The following TLCD4 variants were observed in gnomAD, a reference collection of about 807,000 sequenced individuals.
TLCD4 encodes the protein TLC domain-containing protein 4.
A neutral mutation model predicts 24.2 loss-of-function variants in TLCD4; 7 were observed. The ratio of observed to expected loss-of-function variants is 0.29; its 90% CI spans 0.16 to 0.54. TLCD4 has a LOEUF of 0.54. Among genes scored for constraint, TLCD4 ranks in the 20% least tolerant of loss-of-function variants. The probability of loss-of-function intolerance (pLI) is 0.95; values close to 1 mark genes in which losing one functional copy is unlikely to be tolerated. For synonymous variants in TLCD4, 103 were observed against 106.4 expected (o/e 0.97, Z 0.20); for missense variants, 259 against 313.9 (o/e 0.82, Z 1.32).
chr1:95,181,929 C>CT (rs1361057891), intron 6 of TLCD4, among the ~76,000 whole-genome samples: 1 of 152,052 alleles, frequency 6.6e-6, no homozygotes, highest in Non-Finnish European at 1.5e-5. Context: ...GGCCTTCAAT[C>CT]TTTTACATAT....
At chr1:95,098,985 G>A in the TLCD4 span, among the ~76,000 whole-genome samples, 73 of 145,702 alleles carry the variant, frequency 5.0e-4, 2 homozygotes, top group South Asian at 2.2e-4. Flanking sequence ...CACTTGAAGC[G>A]GAGGTTGTGG....
intron 6 of TLCD4, among the ~76,000 whole-genome samples, chr1:95,178,543 G>A (rs952753900): frequency 9.5e-5 from 14 of 148,082 alleles, no homozygotes; most frequent in African/African-American, 3.3e-4. Flanking sequence ...GATTACAGGC[G>A]TGAGCCACCA....
intron 1 of TLCD4, among the ~76,000 whole-genome samples, chr1:95,124,360 C>T (rs962221752): frequency 6.6e-6 from 1 of 152,110 alleles, no homozygotes; most frequent in Admixed American, 6.5e-5. Context: ...GAAGAGAAAC[C>T]AAATCAGAGA....
chr1:95,185,766 T>A (rs544038837), intron 6 of TLCD4, among the ~76,000 whole-genome samples: 2 of 152,356 alleles, frequency 1.3e-5, no homozygotes, highest in South Asian at 4.1e-4. Flanking sequence ...ATAATGTTAA[T>A]TGACTTTATG....
chr1:95,134,770 G>C (rs1449404229), intron 1 of TLCD4, among the ~76,000 whole-genome samples: 1 of 152,190 alleles, frequency 6.6e-6, no homozygotes, highest in East Asian at 1.9e-4. Context: ...TCCTTGACTA[G>C]AGTGACAACA....
At chr1:95,181,866 G>T (rs571587670) in intron 6 of TLCD4, among the ~76,000 whole-genome samples, 16 of 152,108 alleles carry the variant, frequency 1.1e-4, no homozygotes, top group Non-Finnish European at 1.6e-4. Context: ...TGATCCACCC[G>T]CCTCGGCCTC....
At chr1:95,125,186 G>A (rs1288061942) in intron 1 of TLCD4, among the ~76,000 whole-genome samples, 1 of 152,102 alleles carries the variant, frequency 6.6e-6, no homozygotes, top group African/African-American at 2.4e-5. Flanking sequence ...TCAAGTCTGT[G>A]GGCCAAGCTT....
Position 95,149,984 on chromosome 1 carries a change from A to C in TLCD4, c.246-224A>C, listed in dbSNP as rs142566024. ...CACTTTGTAACTATCTTACTATGTA[A>C]GATAACAGCAGTAGTTACCTTACTG... On this transcript the variant is annotated intron_variant, in intron 3 of 6. Coordinates refer to ENST00000370203, the MANE Select transcript of TLCD4 (RefSeq NM_152487.3). Among the ~76,000 whole-genome samples, 737 of 152,252 alleles carry C rather than the reference A, an allele frequency of 4.8e-3. 5 individuals carry two copies. Among genetic ancestry groups the C allele is most frequent in the African/African-American group, 0.017 (706 of 41,554 alleles).
chr1:95,145,024 G>A (rs887833988), intron 2 of TLCD4, among the ~76,000 whole-genome samples: 1 of 152,162 alleles, frequency 6.6e-6, no homozygotes, highest in African/African-American at 2.4e-5. Context: ...ATTTTTTTGT[G>A]TGTGTACAAC....
In TLCD4 at chr1:95,194,284, A is replaced by G. The variant is rs970815906; in HGVS notation, c.*2416A>G. 4 of 152,140 alleles carry G rather than the reference A, an allele frequency of 2.6e-5. No homozygotes were observed. The highest frequency in any genetic ancestry group is 4.4e-5 in the Non-Finnish European group (3 of 67,982). The allele number at this position is 152,140 out of a possible 1,614,324, so 9.4% of individuals were successfully genotyped here. Reference sequence around the variant, plus strand: ...TTAAATATCCTGAAGTAGGTTCTATATATTTCCTCATACAACAGACATGGA... The same window carrying G: ...TTAAATATCCTGAAGTAGGTTCTATGTATTTCCTCATACAACAGACATGGA... On this transcript the variant is annotated 3_prime_UTR_variant, in exon 7 of 7. Coordinates refer to ENST00000370203, the MANE Select transcript of TLCD4 (RefSeq NM_152487.3).
At chr1:95,169,942 T>G (rs1411906983) in intron 5 of TLCD4, among the ~76,000 whole-genome samples, 2 of 152,252 alleles carry the variant, frequency 1.3e-5, no homozygotes, top group African/African-American at 4.8e-5. Flanking sequence ...TTTAAAATAC[T>G]TTATAAGTTG....
At chr1:95,136,081 C>A (rs1194198126) in intron 1 of TLCD4, among the ~76,000 whole-genome samples, 1 of 151,758 alleles carries the variant, frequency 6.6e-6, no homozygotes, top group Admixed American at 6.6e-5. Context: ...TGTTCCCAAG[C>A]TAACATTACT....
At chr1:95,183,033 T>A (rs955352605) in intron 6 of TLCD4, among the ~76,000 whole-genome samples, 4 of 152,010 alleles carry the variant, frequency 2.6e-5, no homozygotes, top group Non-Finnish European at 4.4e-5. Context: ...CAGTAGACAG[T>A]GAGATTATAG....
chr1:95,136,748 A>G (rs1413162868), intron 1 of TLCD4, among the ~76,000 whole-genome samples: 1 of 152,162 alleles, frequency 6.6e-6, no homozygotes, highest in Non-Finnish European at 1.5e-5. Context: ...TTCACTTGGT[A>G]TTCTCCAATC....
At chr1:95,115,455 G>A (rs554761027), upstream of TLCD4, among the ~76,000 whole-genome samples, 5 of 152,176 alleles carry the variant, frequency 3.3e-5, no homozygotes, top group South Asian at 1.0e-3. Context: ...AATTTTTCAG[G>A]AAAAAATACA....
At chr1:95,153,069 A>C (rs1413270845) in intron 5 of TLCD4, among the ~76,000 whole-genome samples, 1 of 151,016 alleles carries the variant, frequency 6.6e-6, no homozygotes, top group Admixed American at 6.6e-5. Context: ...ATTATTATTT[A>C]TTTTCTTTTT....
intron 5 of TLCD4, among the ~76,000 whole-genome samples, chr1:95,152,609 T>C (rs1415455650): frequency 6.6e-6 from 1 of 152,166 alleles, no homozygotes; most frequent in African/African-American, 2.4e-5. Context: ...TAAGGTATTA[T>C]AGGTTATATA....
At chr1:95,183,705 G>A (rs973991901) in intron 6 of TLCD4, among the ~76,000 whole-genome samples, 1 of 152,088 alleles carries the variant, frequency 6.6e-6, no homozygotes, top group Admixed American at 6.6e-5. Context: ...TTAGCTGGGT[G>A]TGGTGGCGCG....
At chr1:95,191,456 C>A in intron 6 of TLCD4, 94 bp from the exon 7 acceptor site, 1 of 1,456,440 alleles carries the variant, frequency 6.9e-7, no homozygotes, top group East Asian at 2.4e-5. Flanking sequence ...TTTGCTCCTC[C>A]TTCACTGAAT....
Sources: gnomAD v4.1 joint callset for allele counts (sites outside exome capture counted in the v4.1 genomes callset) on GRCh38, gnomAD v4.1.1 for gene constraint, MANE v1.5 for transcripts, NCBI Gene and HGNC (gene_info 2026-07-23, HGNC 2026-07-21) for gene names.